ERG: variants seen among roughly 807,000 people sequenced by gnomAD.
ERG encodes the protein ETS transcription factor ERG, also known as transcriptional regulator ERG.
In ERG, 9 loss-of-function variants were observed where a neutral mutation model predicts 55.3. That is an observed-to-expected ratio of 0.16 (90% CI 0.10 to 0.28). ERG has a LOEUF of 0.28. Among genes scored for constraint, ERG ranks in the 10% least tolerant of loss-of-function variants. The pLI is 1.00. For missense variants in ERG, 434 were observed against 631.6 expected, an observed-to-expected ratio of 0.69 and a Z score of 3.35; for synonymous variants, 223 against 237.3, an observed-to-expected ratio of 0.94 and a Z score of 0.55.
chr21:38,558,769 A>G (rs1194568567), intron 2 of ERG, among the ~76,000 whole-genome samples: 1 of 152,256 alleles, frequency 6.6e-6, no homozygotes, highest in Non-Finnish European at 1.5e-5. Context: ...TTGAGGGAAG[A>G]GTAAATGATT....
chr21:38,498,357 C>T lies in ERG; in HGVS notation c.18+6G>A. 1.2e-6 allele frequency: 2 copies of T among 1,602,498 alleles called. No homozygotes were observed. The highest frequency in any genetic ancestry group is 1.7e-6 in the Non-Finnish European group (2 of 1,171,050). ...TTTGTCAAATTAAAAGGAACCCTTTCCTTACCTTAATAGTGCTGGCCATAA... is the reference window on the plus strand; with the variant it reads ...TTTGTCAAATTAAAAGGAACCCTTTTCTTACCTTAATAGTGCTGGCCATAA... On this transcript the variant is annotated splice_donor_region_variant and intron_variant, in intron 1 of 9. Transcript: ENST00000288319. This position sits in a 1 kb window ranked among gnomAD's most constrained non-coding sequence, Gnocchi z 4.6.
At chr21:38,489,075 T>C (rs2059313031) in intron 1 of ERG, among the ~76,000 whole-genome samples, 1 of 152,212 alleles carries the variant, frequency 6.6e-6, no homozygotes, top group Admixed American at 6.5e-5. Context: ...TCAGTGCGTC[T>C]CTGGTTGGGC....
intron 2 of ERG, among the ~76,000 whole-genome samples, chr21:38,565,995 A>G (rs978747433): frequency 2.0e-5 from 3 of 152,222 alleles, no homozygotes; most frequent in African/African-American, 4.8e-5. Flanking sequence ...ACAAGTTTCC[A>G]AGTGCTAACA....
Position 38,498,299 on chromosome 21 carries a change from G to A in ERG, c.18+64C>T. ...ACCCTAACTTATCTGCCTTGATAAA[G>A]GAAACCAAAGAAAAGAGTAACAAGA... On this transcript the variant is annotated intron_variant, in intron 1 of 9. Transcript: ENST00000288319. The surrounding 1 kb of genome is among the most constrained non-coding windows in gnomAD (Gnocchi z 4.6). 1 of 1,457,032 alleles carries A rather than the reference G, an allele frequency of 6.9e-7. No homozygotes were observed. Among genetic ancestry groups the A allele is most frequent in the South Asian group, 1.2e-5 (1 of 85,462 alleles). 90.3% of individuals were successfully genotyped at this position (1,457,032 alleles called of 1,614,324 possible).
intron 1 of ERG, among the ~76,000 whole-genome samples, chr21:38,486,015 C>A (rs571854139): frequency 1.3e-5 from 2 of 152,082 alleles, no homozygotes; most frequent in Non-Finnish European, 2.9e-5. Context: ...CTCACAGCAA[C>A]CTTTGCCTCC....
chr21:38,608,898 A>G (rs187645347), intron 1 of ERG, among the ~76,000 whole-genome samples: 30 of 152,290 alleles, frequency 2.0e-4, no homozygotes, highest in Non-Finnish European at 3.7e-4. Flanking sequence ...AAAATTGCAT[A>G]TATTTATTGA....
intron 2 of ERG, among the ~76,000 whole-genome samples, chr21:38,529,295 AG>A (rs1457866320): frequency 2.6e-5 from 4 of 152,132 alleles, no homozygotes; most frequent in African/African-American, 4.8e-5. Context: ...GAGATGAGGG[AG>A]GGGTGACTTC....
intron 2 of ERG, among the ~76,000 whole-genome samples, chr21:38,439,780 C>T (rs1474630825): frequency 1.3e-5 from 2 of 152,200 alleles, no homozygotes; most frequent in African/African-American, 2.4e-5. Flanking sequence ...CAACAGATCT[C>T]GTTTCACCAC....
At chr21:38,540,899 C>G (rs2059747153) in intron 2 of ERG, among the ~76,000 whole-genome samples, 1 of 152,126 alleles carries the variant, frequency 6.6e-6, no homozygotes, top group African/African-American at 2.4e-5. Context: ...AGAGGAGGAC[C>G]AGCACAACCC....
At chr21:38,596,215 A>G (rs2836549) in intron 1 of ERG, among the ~76,000 whole-genome samples, 101,334 of 152,096 alleles carry the variant, frequency 0.67, 33,903 homozygotes, top group Middle Eastern at 0.7. Flanking sequence ...AGAGCCTTTC[A>G]TAGTTTTAAT....
At chr21:38,455,982 G>T (rs896558434) in intron 1 of ERG, among the ~76,000 whole-genome samples, 54 of 152,074 alleles carry the variant, frequency 3.6e-4, no homozygotes, top group African/African-American at 1.2e-3. Flanking sequence ...TGGCCATGGG[G>T]CTCCACCACT....
chr21:38,603,524 T>C (rs2060177355), intron 1 of ERG, among the ~76,000 whole-genome samples: 1 of 152,034 alleles, frequency 6.6e-6, no homozygotes, highest in Non-Finnish European at 1.5e-5. Context: ...TTCCTTGCTC[T>C]GGGGCTGCAT....
At position 38,383,810 on chromosome 21, in the gene ERG, C is replaced by T. The variant is rs2146412647; in HGVS notation, c.1033G>A (p.Asp345Asn). Residue 345 changes from aspartate to asparagine, a missense_variant, in exon 10 of 10, where the codon GAC (aspartate) becomes AAC (asparagine). Coordinates refer to ENST00000288319, the MANE Select transcript of ERG (RefSeq NM_182918.4). The surrounding 1 kb of genome is among the most constrained non-coding windows in gnomAD (Gnocchi z 5.7). ...TNGEFKMTDPDEVARRWGERK... is the reference protein window; with the variant it reads ...TNGEFKMTDPNEVARRWGERK... The stretch of plus-strand genomic sequence containing the variant: ...TCTCCCCAGCGCCGGGCCACCTCGT[C>T]GGGATCCGTCATCTTGAACTCCCCG... 1 of 1,614,192 alleles carries T rather than the reference C, an allele frequency of 6.2e-7. No individual in the cohort carries two copies. The highest frequency in any genetic ancestry group is 8.5e-7 in the Non-Finnish European group (1 of 1,180,040).
intron 1 of ERG, among the ~76,000 whole-genome samples, chr21:38,624,379 A>G (rs1384005968): frequency 3.3e-5 from 5 of 152,206 alleles, no homozygotes; most frequent in Non-Finnish European, 4.4e-5. Flanking sequence ...GGTGATAGGT[A>G]CAGCAAACCA....
chr21:38,457,208 A>AAGACG (rs2058998224), intron 1 of ERG, among the ~76,000 whole-genome samples: 1 of 152,188 alleles, frequency 6.6e-6, no homozygotes, highest in African/African-American at 2.4e-5. Context: ...AGGTGGAGGC[A>AAGACG]GGCAGACCAC....
chr21:38,561,417 T>G (rs900097224), intron 2 of ERG, among the ~76,000 whole-genome samples: 2 of 152,062 alleles, frequency 1.3e-5, no homozygotes, highest in Non-Finnish European at 2.9e-5. Flanking sequence ...TAGGTCACTT[T>G]TGTAACACAC....
chr21:38,520,001 A>G (rs2059582141), intron 2 of ERG, among the ~76,000 whole-genome samples: 2 of 151,574 alleles, frequency 1.3e-5, no homozygotes, highest in South Asian at 4.2e-4. Context: ...ACACACACAC[A>G]CATACAGACA....
chr21:38,424,187 G>GTCTCTCTCT lies in ERG; in HGVS notation c.237-627_237-626insAGAGAGAGA, dbSNP rs1569087250. ...AGAAAAGAAAGAGACCAGAGCTCGA[G>GTCTCTCTCT]CTCTCTCTCTCTCTCTCTCTCTCTC... On this transcript the variant is annotated intron_variant, in intron 2 of 9. Coordinates refer to ENST00000288319, the MANE Select transcript of ERG (RefSeq NM_182918.4). Among the ~76,000 whole-genome samples the GTCTCTCTCT allele has an allele frequency of 9.1e-3, 997 of 110,118 alleles. 32 individuals are homozygous for GTCTCTCTCT. The highest frequency in any genetic ancestry group is 0.018 in the Admixed American group (215 of 11,844). The allele number at this position is 110,118 out of a possible 152,430, so 72.2% of individuals were successfully genotyped here.
intron 1 of ERG, among the ~76,000 whole-genome samples, chr21:38,624,998 ATATATT>A (rs1003460365): frequency 6.8e-6 from 1 of 147,138 alleles, no homozygotes; most frequent in Non-Finnish European, 1.5e-5. Context: ...AATTAAAAAT[ATATATT>A]AATATTAAAT....
Sources: allele counts gnomAD v4.1 joint callset (sites outside exome capture counted in the v4.1 genomes callset), GRCh38; gene constraint gnomAD v4.1.1; non-coding constraint Gnocchi (gnomAD v3.1); transcripts MANE v1.5; gene names NCBI Gene and HGNC (gene_info 2026-07-23, HGNC 2026-07-21).